Variants in PPP1R9A observed in about 807,000 individuals in gnomAD.
PPP1R9A encodes protein phosphatase 1 regulatory subunit 9A, also known as neurabin-1.
Under a neutral mutation model 141.9 loss-of-function variants are expected in PPP1R9A, and 59 were observed. That is an observed-to-expected ratio of 0.42 (90% CI 0.34 to 0.52). The LOEUF (loss-of-function observed/expected upper bound fraction) is 0.52. PPP1R9A is among the 20% of genes least tolerant of loss of function. PPP1R9A has a pLI of 0.10. For synonymous variants in PPP1R9A, 500 were observed against 569.7 expected (o/e 0.88, Z 1.74); for missense variants, 1,444 against 1,611.9 (o/e 0.90, Z 1.78).
At chr7:95,225,902 A>C in intron 7 of PPP1R9A, 59 bp from the exon 8 acceptor site, 1 of 1,516,816 alleles carries the variant, frequency 6.6e-7, no homozygotes, top group Non-Finnish European at 8.9e-7. Flanking sequence ...ATATTTTCAA[A>C]TAACTCACCT....
At chr7:95,219,124 G>C (rs1027054694) in intron 7 of PPP1R9A, among the ~76,000 whole-genome samples, 8 of 152,140 alleles carry the variant, frequency 5.3e-5, no homozygotes, top group Non-Finnish European at 7.3e-5. Context: ...TCCTTTCCAT[G>C]TTTAATGCTT....
intron 16 of PPP1R9A, among the ~76,000 whole-genome samples, chr7:95,277,938 TGAGATGTGTGTATCTCAGATGGG>T (rs1459644980): frequency 2.0e-5 from 3 of 152,104 alleles, no homozygotes; most frequent in East Asian, 1.9e-4. Flanking sequence ...GAAAACTCTG[TGAGATGTGTGTATCTCAGATGGG>T]GAGATGTGTG....
At chr7:94,994,058 GAA>G (rs1220482440) in intron 2 of PPP1R9A, among the ~76,000 whole-genome samples, 1 of 152,062 alleles carries the variant, frequency 6.6e-6, no homozygotes, top group Non-Finnish European at 1.5e-5. Context: ...TTATTTAACC[GAA>G]GTTTTATCTG....
chr7:94,953,358 G>T (rs1192979724), intron 2 of PPP1R9A, among the ~76,000 whole-genome samples: 1 of 152,148 alleles, frequency 6.6e-6, no homozygotes, highest in Admixed American at 6.5e-5. Context: ...TTTAGTTACT[G>T]TAGCCTTGTA....
intron 2 of PPP1R9A, among the ~76,000 whole-genome samples, chr7:94,977,434 A>G (rs1799575527): frequency 1.3e-5 from 2 of 152,178 alleles, no homozygotes; most frequent in South Asian, 4.1e-4. Context: ...TGGGGTGATC[A>G]GTTTTGTTAA....
In PPP1R9A at chr7:95,135,421, C is replaced by T. The variant is rs534174742; in HGVS notation, c.1649+14589C>T. On this transcript the variant is annotated intron_variant, in intron 4 of 19. Transcript: ENST00000433360. ...TGCTATCTTTCTTCTGATTAGATTA[C>T]TTAGTCCCTTCAGTTGTACTTATTT... Among the ~76,000 whole-genome samples, 23 of 152,294 alleles carry T rather than the reference C, an allele frequency of 1.5e-4. No individual in the cohort carries two copies. In the South Asian group the frequency reaches 4.8e-3, roughly 32 times the overall value.
chr7:95,243,114 A>G (rs1348745207), intron 8 of PPP1R9A, among the ~76,000 whole-genome samples: 1 of 152,134 alleles, frequency 6.6e-6, no homozygotes, highest in Non-Finnish European at 1.5e-5. Context: ...CATGAAATGG[A>G]GATAACTTGG....
intron 5 of PPP1R9A, among the ~76,000 whole-genome samples, chr7:95,181,811 C>CACATATATATAGA: frequency 2.1e-5 from 3 of 144,438 alleles, no homozygotes; most frequent in African/African-American, 7.6e-5. Context: ...TATATTCCAT[C>CACATATATATAGA]ATATATATAT....
At chr7:95,245,563 A>G (rs1798015008) in intron 8 of PPP1R9A, among the ~76,000 whole-genome samples, 1 of 152,110 alleles carries the variant, frequency 6.6e-6, no homozygotes, top group Non-Finnish European at 1.5e-5. Flanking sequence ...ATTCCAAAAG[A>G]TCCATCCAGA....
intron 5 of PPP1R9A, among the ~76,000 whole-genome samples, chr7:95,186,445 A>T (rs1045313561): frequency 6.6e-6 from 1 of 152,138 alleles, no homozygotes; most frequent in African/African-American, 2.4e-5. Flanking sequence ...TAGGTAAACG[A>T]TCATATCATC....
At chr7:95,252,941 A>C (rs1799095871) in intron 12 of PPP1R9A, among the ~76,000 whole-genome samples, 1 of 152,220 alleles carries the variant, frequency 6.6e-6, no homozygotes, top group African/African-American at 2.4e-5. Context: ...AGACCAAGTA[A>C]GACCAAAACA....
chr7:95,214,486 A>G (rs965130762), intron 7 of PPP1R9A, among the ~76,000 whole-genome samples: 2 of 152,158 alleles, frequency 1.3e-5, no homozygotes, highest in African/African-American at 4.8e-5. Flanking sequence ...AGAGAGAGAG[A>G]GCAAGAGGAC....
chr7:94,999,678 T>C (rs1391359813), intron 2 of PPP1R9A, among the ~76,000 whole-genome samples: 1 of 152,062 alleles, frequency 6.6e-6, no homozygotes, highest in Non-Finnish European at 1.5e-5. Context: ...CAACAAAACA[T>C]CTCCTAAGAA....
intron 2 of PPP1R9A, among the ~76,000 whole-genome samples, chr7:94,983,744 A>C (rs1187586027): frequency 6.6e-6 from 1 of 151,858 alleles, no homozygotes; most frequent in Admixed American, 6.6e-5. Flanking sequence ...AGATGATGGG[A>C]TTTTCTAAAT....
At position 95,127,750 on chromosome 7, in the gene PPP1R9A, A is replaced by G. The variant is rs150099961; in HGVS notation, c.1649+6918A>G. Among the ~76,000 whole-genome samples the G allele has an allele frequency of 5.4e-3, 815 of 152,170 alleles. 7 individuals are homozygous for G. Among genetic ancestry groups the G allele is most frequent in the African/African-American group, 0.019 (769 of 41,508 alleles). On this transcript the variant is annotated intron_variant, in intron 4 of 19. Transcript: ENST00000433360. ...ATTACCCAGGATTTAGCTCCCACTT[A>G]TAAGTGAGAATATGCAGTATTTGGT... is the stretch of plus-strand genomic sequence containing the variant.
At chr7:95,162,177 G>C (rs1003741297) in intron 5 of PPP1R9A, among the ~76,000 whole-genome samples, 5 of 152,042 alleles carry the variant, frequency 3.3e-5, no homozygotes, top group African/African-American at 1.2e-4. Flanking sequence ...ATTTTAGAAA[G>C]ATACAAAAAC....
At chr7:95,283,657 A>T (rs1005186711) in intron 16 of PPP1R9A, among the ~76,000 whole-genome samples, 3 of 152,210 alleles carry the variant, frequency 2.0e-5, no homozygotes, top group African/African-American at 7.2e-5. Context: ...TAATGTCCCT[A>T]GCTGTGAGGC....
intron 2 of PPP1R9A, 39 bp downstream of exon 2, chr7:94,911,547 T>G (rs1167510559): frequency 6.7e-7 from 1 of 1,501,292 alleles, no homozygotes; most frequent in Non-Finnish European, 9.1e-7. Context: ...TAAATTTGTT[T>G]TTAGTACTAG....
chr7:95,036,815 A>T (rs1345532676), intron 2 of PPP1R9A: 1 of 152,192 alleles, frequency 6.6e-6, no homozygotes, highest in East Asian at 1.9e-4. Flanking sequence ...TGACCTCTCC[A>T]GTGATCTAGA....
Sources: allele counts gnomAD v4.1 joint callset (sites outside exome capture counted in the v4.1 genomes callset), GRCh38; gene constraint gnomAD v4.1.1; transcripts MANE v1.5; gene names NCBI Gene and HGNC (gene_info 2026-07-23, HGNC 2026-07-21).